TBCK: variants seen among roughly 807,000 people sequenced by gnomAD.
The protein encoded by TBCK is TBC1 domain containing kinase, also known as TBC domain-containing protein kinase-like protein.
A neutral mutation model predicts 113.4 loss-of-function variants in TBCK; 99 were observed. That is an observed-to-expected ratio of 0.87 (90% CI 0.74 to 1.03). TBCK has a LOEUF of 1.03. TBCK is among the 50% of genes least tolerant of loss of function. TBCK has a pLI of 0.00. For missense variants in TBCK, 1,045 were observed against 1,061.3 expected, an observed-to-expected ratio of 0.98 and a Z score of 0.21; for synonymous variants, 369 against 370.8, an observed-to-expected ratio of 1.00 and a Z score of 0.05.
chr4:106,127,305 T>C (rs116255811), intron 23 of TBCK, among the ~76,000 whole-genome samples: 2 of 149,678 alleles, frequency 1.3e-5, no homozygotes, highest in South Asian at 4.2e-4. Context: ...GGCAAAATAA[T>C]TTAATAAATA....
At chr4:106,173,587 T>A (rs1290165663) in intron 22 of TBCK, among the ~76,000 whole-genome samples, 3 of 152,074 alleles carry the variant, frequency 2.0e-5, no homozygotes, top group African/African-American at 7.2e-5. Context: ...AAAAGTTATT[T>A]TTATCTGCTT....
chr4:106,151,346 A>G (rs1210998476), intron 23 of TBCK, among the ~76,000 whole-genome samples: 1 of 151,830 alleles, frequency 6.6e-6, no homozygotes, highest in Admixed American at 6.6e-5. Context: ...AATTCTCAAC[A>G]CACACCCCAC....
chr4:106,307,957 G>T (rs113450523), intron 2 of TBCK, among the ~76,000 whole-genome samples: 1 of 151,440 alleles, frequency 6.6e-6, no homozygotes, highest in Non-Finnish European at 1.5e-5. Flanking sequence ...AAGACTAATG[G>T]AGTTTAAAAA....
intron 3 of TBCK, among the ~76,000 whole-genome samples, chr4:106,289,319 A>G (rs1293337474): frequency 6.6e-6 from 1 of 152,246 alleles, no homozygotes; most frequent in East Asian, 1.9e-4. Context: ...GGATCATAAA[A>G]TAGATGTTTC....
Position 106,308,755 on chromosome 4 carries a change from G to A in TBCK, c.193+13C>T. On this transcript the variant is annotated intron_variant, in intron 2 of 25. Transcript: ENST00000394708. ...TAGAGAACATAAATAGGAAAAAAAA[G>A]AAAATAACTTACCATGCTTTCCCCT... is the stretch of plus-strand genomic sequence containing the variant. The A allele has an allele frequency of 6.3e-7, 1 of 1,598,708 alleles. No individual in the cohort carries two copies. Among genetic ancestry groups the A allele is most frequent in the Non-Finnish European group, 8.5e-7 (1 of 1,175,068 alleles).
intron 24 of TBCK, among the ~76,000 whole-genome samples, chr4:106,101,590 T>G (rs919521611): frequency 6.6e-6 from 1 of 152,220 alleles, no homozygotes; most frequent in Non-Finnish European, 1.5e-5. Flanking sequence ...ACAACTGGGT[T>G]TATGTGTTTT....
At chr4:106,245,003 A>G (rs549978721) in intron 10 of TBCK, among the ~76,000 whole-genome samples, 36 of 152,258 alleles carry the variant, frequency 2.4e-4, no homozygotes, top group African/African-American at 6.5e-4. Context: ...ACATAGGACA[A>G]ACTTCTGTCC....
intron 25 of TBCK, 134 bp downstream of exon 25, chr4:106,095,348 G>A (rs1247811234): frequency 2.7e-6 from 2 of 745,854 alleles, no homozygotes; most frequent in Non-Finnish European, 4.0e-6. Context: ...TTCCATATAA[G>A]AACACAGACA....
intron 24 of TBCK, among the ~76,000 whole-genome samples, chr4:106,115,563 T>C (rs2149567827): frequency 6.6e-6 from 1 of 152,320 alleles, no homozygotes; most frequent in South Asian, 2.1e-4. Context: ...GTTGCTCTGT[T>C]TTTAAACAAA....
intron 19 of TBCK, among the ~76,000 whole-genome samples, chr4:106,215,867 C>G (rs372366902): frequency 4.0e-5 from 6 of 151,542 alleles, no homozygotes; most frequent in Non-Finnish European, 5.9e-5. Flanking sequence ...CAAGCGGACC[C>G]AATAGACATC....
chr4:106,138,886 T>C (rs950792253), intron 23 of TBCK, among the ~76,000 whole-genome samples: 12 of 141,026 alleles, frequency 8.5e-5, no homozygotes, highest in African/African-American at 3.0e-4. Flanking sequence ...AGCACCGTTA[T>C]GGTCAAGTTT....
At position 106,189,354 on chromosome 4, in the gene TBCK, A is replaced by G. The variant is rs1037798210; in HGVS notation, c.2059+4255T>C. Among the ~76,000 whole-genome samples, 19 of 134,366 alleles carry G rather than the reference A, an allele frequency of 1.4e-4. No individual in the cohort carries two copies. The East Asian group carries it at 3.6e-3, about 26-fold the overall frequency. 88.1% of individuals were successfully genotyped at this position (134,366 alleles called of 152,430 possible). On this transcript the variant is annotated intron_variant, in intron 22 of 25. Transcript: ENST00000394708. ...TGAGACTCCATCTCAAAAAAAAAAAAAAAAAGAAAAATAGACATGCATGAC... is the reference window on the plus strand; with the variant it reads ...TGAGACTCCATCTCAAAAAAAAAAAGAAAAAGAAAAATAGACATGCATGAC...
chr4:106,198,584 T>C (rs1474233960), intron 20 of TBCK, among the ~76,000 whole-genome samples: 1 of 152,158 alleles, frequency 6.6e-6, no homozygotes, highest in Non-Finnish European at 1.5e-5. Flanking sequence ...AAACTTTTTG[T>C]ATATTTTTTA....
At chr4:106,304,015 TCTC>T (rs1402497795) in intron 2 of TBCK, among the ~76,000 whole-genome samples, 2 of 152,052 alleles carry the variant, frequency 1.3e-5, no homozygotes, top group African/African-American at 4.8e-5. Context: ...TACACACGGT[TCTC>T]CTTTCATAAA....
Position 106,212,824 on chromosome 4 carries a change from C to G in TBCK, c.1786G>C (p.Val596Leu). 6.2e-7 allele frequency: 1 copy of G among 1,609,750 alleles called. No homozygotes were observed. The highest frequency in any genetic ancestry group is 1.1e-5 in the South Asian group (1 of 90,500). Residue 596 changes from valine (V) to leucine (L), a missense_variant, in exon 20 of 26, where the codon GTC becomes CTC. Coordinates refer to ENST00000394708, the MANE Select transcript of TBCK (RefSeq NM_001163435.3). ...NSHVIQEYLT[V>L]FSQMIAFHDP... The stretch of plus-strand genomic sequence containing the variant: ...TGAAATGCAATCATCTGAGAGAAGA[C>G]AGTCAGATACTCTGAAATTACAAAG...
chr4:106,251,747 T>G lies in TBCK; in HGVS notation c.597+119A>C, dbSNP rs577019666. 8 of 933,706 alleles carry G rather than the reference T, an allele frequency of 8.6e-6. No individual in the cohort carries two copies. The African/African-American group carries it at 1.3e-4, about 16-fold the overall frequency. The allele number at this position is 933,706 out of a possible 1,614,324, so 57.8% of individuals were successfully genotyped here. On this transcript the variant is annotated intron_variant, in intron 6 of 25. Coordinates refer to ENST00000394708, the MANE Select transcript of TBCK (RefSeq NM_001163435.3). ...TGATTAAGTCAAATTAAGCCTTTTC[T>G]CCTCATATGTAATTAATTTGTACAG...
Position 106,090,155 on chromosome 4 carries a change from G to A in TBCK, c.2571+5327C>T, listed in dbSNP as rs1740046731. 2.0e-5 allele frequency among the ~76,000 whole-genome samples: 3 copies of A among 152,210 alleles called. No individual in the cohort carries two copies. The South Asian group carries it at 6.2e-4, about 32-fold the overall frequency. ...GTGCTCTGGAATCCAGGTGGGAGTT[G>A]CGAAGCTTCCTTCACATTTGCATTC... On this transcript the variant is annotated intron_variant, in intron 25 of 25. Coordinates refer to ENST00000394708, the MANE Select transcript of TBCK (RefSeq NM_001163435.3).
At chr4:106,204,199 T>C (rs907190155) in intron 20 of TBCK, among the ~76,000 whole-genome samples, 1 of 152,180 alleles carries the variant, frequency 6.6e-6, no homozygotes, top group Non-Finnish European at 1.5e-5. Context: ...GAATTTATTA[T>C]AATCTACATC....
At chr4:106,185,917 G>T (rs1290639304) in intron 22 of TBCK, among the ~76,000 whole-genome samples, 1 of 151,974 alleles carries the variant, frequency 6.6e-6, no homozygotes, top group Non-Finnish European at 1.5e-5. Flanking sequence ...GGTGTCTATT[G>T]TTCTCTTCGT....
Sources: allele counts gnomAD v4.1 joint callset (sites outside exome capture counted in the v4.1 genomes callset), GRCh38; gene constraint gnomAD v4.1.1; transcripts MANE v1.5; gene names NCBI Gene and HGNC (gene_info 2026-07-23, HGNC 2026-07-21).